COL11A1: variants seen among roughly 807,000 people sequenced by gnomAD.
The protein encoded by COL11A1 is collagen type XI alpha 1 chain.
COL11A1 carries 74 observed loss-of-function variants against 265.2 expected under a neutral mutation model. The observed-to-expected ratio is 0.28, with a 90% CI of 0.23 to 0.34. The LOEUF (loss-of-function observed/expected upper bound fraction) is 0.34. Ranked by LOEUF, COL11A1 falls within the 10% of genes least tolerant of loss-of-function variation. The pLI is 1.00. For missense variants in COL11A1, 2,165 were observed against 2,263.6 expected, an observed-to-expected ratio of 0.96 and a Z score of 0.88; for synonymous variants, 816 against 727.6, an observed-to-expected ratio of 1.12 and a Z score of -1.96.
intron 54 of COL11A1, among the ~76,000 whole-genome samples, chr1:102,900,368 T>G (rs1340114899): frequency 4.6e-5 from 7 of 152,144 alleles, no homozygotes; most frequent in Admixed American, 4.6e-4. Flanking sequence ...GTTCTATTGT[T>G]AAAATGTTGA....
chr1:103,001,726 G>C, intron 24 of COL11A1, 199 bp downstream of exon 24: 4 of 606,904 alleles, frequency 6.6e-6, no homozygotes, highest in Non-Finnish European at 1.2e-5. Flanking sequence ...AATGGTAACT[G>C]AAGTTTTATC....
At chr1:103,081,305 G>C (rs1160250549) in intron 2 of COL11A1, among the ~76,000 whole-genome samples, 1 of 151,584 alleles carries the variant, frequency 6.6e-6, no homozygotes, top group Non-Finnish European at 1.5e-5. Context: ...GTTTTTAATT[G>C]GTATATTTTT....
chr1:103,023,411 G>A (rs1667261185), intron 7 of COL11A1, among the ~76,000 whole-genome samples: 1 of 146,082 alleles, frequency 6.8e-6, no homozygotes, highest in Admixed American at 6.9e-5. Flanking sequence ...CTCTTGTTGT[G>A]CAAGGGCGCA....
intron 1 of COL11A1, among the ~76,000 whole-genome samples, chr1:103,098,315 C>T (rs572689687): frequency 5.3e-5 from 8 of 152,016 alleles, no homozygotes; most frequent in Admixed American, 2.6e-4. Context: ...GCCTTTCACT[C>T]GACTTCCAGT....
intron 48 of COL11A1, among the ~76,000 whole-genome samples, chr1:102,921,000 T>A (rs1027733154): frequency 6.6e-5 from 10 of 152,208 alleles, no homozygotes; most frequent in African/African-American, 2.4e-4. Flanking sequence ...TATGGCATTA[T>A]ATTTCAAAAT....
rs201983214 is a variant in COL11A1 at position 103,023,016 on chromosome 1, G to C, written c.991-20C>G. 6.2e-7 allele frequency: 1 copy of C among 1,605,866 alleles called. No homozygotes were observed. Reference sequence around the variant, plus strand: ...ATTTGGCTATTAATTTAAATTGCAAGGAATTGAGGAACATGAAGTTTATTG... The same window carrying C: ...ATTTGGCTATTAATTTAAATTGCAACGAATTGAGGAACATGAAGTTTATTG... On this transcript the variant is annotated intron_variant, in intron 7 of 66. Transcript: ENST00000370096.
chr1:103,002,516 C>A lies in COL11A1; in HGVS notation c.2044-35G>T, dbSNP rs192003763. ...GAAAATATAAAAAGTTTTTAATGGG[C>A]TATATTACACAATAGATTTTTGTTC... On this transcript the variant is annotated intron_variant, in intron 22 of 66. Coordinates refer to ENST00000370096, the MANE Select transcript of COL11A1 (RefSeq NM_001854.4). 3.9e-6 allele frequency: 6 copies of A among 1,527,004 alleles called. No homozygotes were observed. In the African/African-American group the frequency reaches 4.1e-5, roughly 10 times the overall value. The allele number at this position is 1,527,004 out of a possible 1,614,324, so 94.6% of individuals were successfully genotyped here. A position where few individuals can be genotyped will look rare whatever the true frequency, so the allele number is the denominator to read the frequency against.
chr1:102,923,209 C>T, intron 47 of COL11A1, 127 bp downstream of exon 47: 2 of 745,680 alleles, frequency 2.7e-6, no homozygotes, highest in Non-Finnish European at 4.5e-6. Flanking sequence ...ATAACTAAAT[C>T]ATGTCAGTTG....
chr1:102,901,431 G>C (rs1653193222), intron 54 of COL11A1, among the ~76,000 whole-genome samples: 2 of 151,924 alleles, frequency 1.3e-5, no homozygotes, highest in Non-Finnish European at 2.9e-5. Context: ...GCAAAATGTG[G>C]CCACTCAATC....
At chr1:102,907,950 G>A (rs564609350) in intron 54 of COL11A1, among the ~76,000 whole-genome samples, 4 of 152,022 alleles carry the variant, frequency 2.6e-5, no homozygotes, top group Non-Finnish European at 5.9e-5. Context: ...GACAGAAAAA[G>A]TTCATGTTAG....
At chr1:102,955,980 G>A (rs1279613194) in intron 41 of COL11A1, among the ~76,000 whole-genome samples, 1 of 152,110 alleles carries the variant, frequency 6.6e-6, no homozygotes, top group Non-Finnish European at 1.5e-5. Flanking sequence ...CGTATACAGG[G>A]AACACTTGGT....
chr1:103,080,855 C>G (rs970493392), intron 2 of COL11A1, among the ~76,000 whole-genome samples: 1 of 151,818 alleles, frequency 6.6e-6, no homozygotes, highest in Non-Finnish European at 1.5e-5. Flanking sequence ...ACCTGCACTC[C>G]TATGTTATAT....
At chr1:103,071,781 A>G (rs12742332) in intron 4 of COL11A1, among the ~76,000 whole-genome samples, 5,650 of 149,606 alleles carry the variant, frequency 0.038, 123 homozygotes, top group Middle Eastern at 0.094. Context: ...AAATCATAAG[A>G]AAAAGAAGTA....
At chr1:102,962,897 C>A in intron 38 of COL11A1, 137 bp from the exon 39 acceptor site, 2 of 748,002 alleles carry the variant, frequency 2.7e-6, no homozygotes, top group Non-Finnish European at 2.3e-6. Context: ...CAAAACACTT[C>A]ACATAAAGCA....
At chr1:103,072,110 T>C (rs115126926) in intron 4 of COL11A1, among the ~76,000 whole-genome samples, 2,186 of 151,996 alleles carry the variant, frequency 0.014, 42 homozygotes, top group African/African-American at 0.05. Flanking sequence ...TTATAAAATC[T>C]GAATTATGAG....
intron 41 of COL11A1, among the ~76,000 whole-genome samples, chr1:102,952,281 T>C (rs3102052): frequency 0.062 from 9,472 of 152,168 alleles, 599 homozygotes; most frequent in African/African-American, 0.16. Flanking sequence ...GTATTTTTAG[T>C]AGAGACAGGG....
intron 65 of COL11A1, among the ~76,000 whole-genome samples, chr1:102,881,371 A>C (rs1297932336): frequency 2.0e-5 from 3 of 152,156 alleles, no homozygotes; most frequent in Admixed American, 6.6e-5. Context: ...GAAGATATTA[A>C]GTAGATATTA....
intron 41 of COL11A1, among the ~76,000 whole-genome samples, chr1:102,948,428 G>C (rs1659537654): frequency 6.6e-6 from 1 of 151,994 alleles, no homozygotes; most frequent in Non-Finnish European, 1.5e-5. Flanking sequence ...TTCTAATGAG[G>C]ACATCAATGT....
intron 21 of COL11A1, 63 bp downstream of exon 21, chr1:103,003,152 G>A: frequency 6.5e-7 from 1 of 1,549,390 alleles, no homozygotes; most frequent in Non-Finnish European, 8.9e-7. Flanking sequence ...GGCTTTTATG[G>A]CCTCTAAAAG....
Sources: gnomAD v4.1 joint callset for allele counts (sites outside exome capture counted in the v4.1 genomes callset) on GRCh38, gnomAD v4.1.1 for gene constraint, MANE v1.5 for transcripts, NCBI Gene and HGNC (gene_info 2026-07-23, HGNC 2026-07-21) for gene names.